The following RELN variants were observed in gnomAD, a reference collection of about 807,000 sequenced individuals.
RELN encodes the protein reelin.
In RELN, 108 loss-of-function variants were observed where a neutral mutation model predicts 427.6. The observed-to-expected ratio is 0.25, with a 90% CI of 0.22 to 0.30. The LOEUF (loss-of-function observed/expected upper bound fraction) is 0.30. RELN is among the 10% of genes least tolerant of loss of function. The probability of loss-of-function intolerance (pLI) is 1.00; values close to 1 mark genes in which losing one functional copy is unlikely to be tolerated. For missense variants in RELN, 3,715 were observed against 4,302.8 expected (o/e 0.86, Z 3.82); for synonymous variants, 1,524 against 1,513.4 (o/e 1.01, Z -0.16).
At chr7:103,859,720 T>G (rs990824664) in intron 2 of RELN, among the ~76,000 whole-genome samples, 1 of 152,200 alleles carries the variant, frequency 6.6e-6, no homozygotes, top group African/African-American at 2.4e-5. Flanking sequence ...GAAACAACTT[T>G]ATGGCACTTG....
chr7:103,883,467 C>A (rs181894551), intron 2 of RELN, among the ~76,000 whole-genome samples: 2 of 152,104 alleles, frequency 1.3e-5, no homozygotes, highest in Non-Finnish European at 2.9e-5. Context: ...AAGGGGTGTT[C>A]GAATAGGAAA....
At chr7:103,660,925 G>A (rs1445881753) in intron 12 of RELN, among the ~76,000 whole-genome samples, 1 of 152,106 alleles carries the variant, frequency 6.6e-6, no homozygotes, top group East Asian at 1.9e-4. Context: ...AAACATATTA[G>A]AAAATAGAGA....
At chr7:103,510,648 AG>A (rs1470375172) in intron 51 of RELN, among the ~76,000 whole-genome samples, 1 of 152,238 alleles carries the variant, frequency 6.6e-6, no homozygotes, top group Non-Finnish European at 1.5e-5. Flanking sequence ...GATGAAAAAA[AG>A]TTTCAACTTG....
At chr7:103,484,816 T>C (rs1447714802) in intron 61 of RELN, among the ~76,000 whole-genome samples, 1 of 152,148 alleles carries the variant, frequency 6.6e-6, no homozygotes, top group African/African-American at 2.4e-5. Flanking sequence ...CTGCATTCTT[T>C]TTACAAATAG....
rs140090640 is a variant in RELN, at chr7:103,589,789, G to C, written c.3952C>G (p.Pro1318Ala). 16 of 1,611,558 alleles carry C rather than the reference G, an allele frequency of 9.9e-6. No individual in the cohort carries two copies. Among genetic ancestry groups the C allele is most frequent in the Non-Finnish European group, 8.5e-7 (1 of 1,177,778 alleles). ...GCANQFSSTAPVLLQYSHDAG... is the reference protein window; with the variant it reads ...GCANQFSSTAAVLLQYSHDAG... Reference sequence around the variant, plus strand: ...TCATGAGAGTACTGAAGAAGAACTGGAGCAGTACTGCTGAATTGATTGGCA... The same window carrying C: ...TCATGAGAGTACTGAAGAAGAACTGCAGCAGTACTGCTGAATTGATTGGCA... Residue 1318 changes from proline (P) to alanine (A), a missense_variant, in exon 28 of 65, where the codon CCA becomes GCA. Physicochemically the swap from Pro to Ala is conservative, Grantham distance 27. Transcript: ENST00000428762.
intron 8 of RELN, among the ~76,000 whole-genome samples, chr7:103,708,422 A>C (rs116143725): frequency 6.6e-6 from 1 of 150,398 alleles, no homozygotes; most frequent in African/African-American, 2.5e-5. Context: ...TGACATTTAC[A>C]TAAGGGCTGT....
chr7:103,908,111 C>T (rs1795257798), intron 2 of RELN, among the ~76,000 whole-genome samples: 1 of 152,090 alleles, frequency 6.6e-6, no homozygotes. Context: ...CATCACTGGC[C>T]TTCCCAAGCA....
intron 20 of RELN, among the ~76,000 whole-genome samples, chr7:103,617,643 G>A: frequency 6.6e-6 from 1 of 150,884 alleles, no homozygotes; most frequent in South Asian, 2.1e-4. Context: ...ATATATACAT[G>A]TGTGTATATA....
intron 2 of RELN, among the ~76,000 whole-genome samples, chr7:103,861,079 T>C (rs1301490494): frequency 6.6e-6 from 1 of 152,108 alleles, no homozygotes; most frequent in African/African-American, 2.4e-5. Context: ...GTAGGATGTA[T>C]TCTCTTCTCC....
chr7:103,494,392 TGG>T (rs1491467135), intron 57 of RELN, among the ~76,000 whole-genome samples: 8 of 150,564 alleles, frequency 5.3e-5, no homozygotes, highest in African/African-American at 1.7e-4. Context: ...TGTGTGTGTG[TGG>T]GATATGGTCT....
At chr7:103,810,022 C>T (rs1433585307) in intron 3 of RELN, among the ~76,000 whole-genome samples, 1 of 152,118 alleles carries the variant, frequency 6.6e-6, no homozygotes, top group African/African-American at 2.4e-5. Context: ...AAGTAGATTT[C>T]CTGGCTGATA....
intron 2 of RELN, among the ~76,000 whole-genome samples, chr7:103,862,461 A>T (rs1794095703): frequency 7.0e-6 from 1 of 142,146 alleles, no homozygotes; most frequent in Admixed American, 7.2e-5. Context: ...CTATCTATCT[A>T]TCTATCTTCT....
At chr7:103,778,535 C>G (rs976748959) in intron 3 of RELN, among the ~76,000 whole-genome samples, 2 of 152,144 alleles carry the variant, frequency 1.3e-5, no homozygotes. Flanking sequence ...TGAACACGAT[C>G]AGCCAAATTA....
intron 50 of RELN, among the ~76,000 whole-genome samples, chr7:103,514,640 C>T (rs1829513805): frequency 6.6e-6 from 1 of 151,246 alleles, no homozygotes; most frequent in Non-Finnish European, 1.5e-5. Flanking sequence ...GCCTAGGCAA[C>T]AAGAATGAAA....
intron 1 of RELN, among the ~76,000 whole-genome samples, chr7:103,963,134 C>CTTTTTTTTTTT (rs61170235): frequency 4.3e-5 from 6 of 139,308 alleles, no homozygotes; most frequent in Admixed American, 7.2e-5. Flanking sequence ...TTTTCGCCTT[C>CTTTTTTTTTTT]TTTTTTTTTT....
intron 20 of RELN, among the ~76,000 whole-genome samples, chr7:103,613,765 A>C (rs1832018736): frequency 6.6e-6 from 1 of 152,216 alleles, no homozygotes; most frequent in South Asian, 2.1e-4. Context: ...CTGGTAGTAC[A>C]TGGGCTGAAG....
At chr7:103,861,418 C>G (rs1794068919) in intron 2 of RELN, among the ~76,000 whole-genome samples, 1 of 152,068 alleles carries the variant, frequency 6.6e-6, no homozygotes, top group Admixed American at 6.6e-5. Context: ...AGAGCCTATG[C>G]TATGAATCAC....
rs2117288958 is a variant in RELN, at chr7:103,610,750, C to G, written c.2953G>C (p.Ala985Pro). The G allele has an allele frequency of 1.2e-6, 2 of 1,612,498 alleles. No homozygotes were observed. The highest frequency in any genetic ancestry group is 2.2e-5 in the South Asian group (2 of 91,052). Reference sequence around the variant, plus strand: ...CTCCTCCACTGTGTAAACTCACTGGCATGGTAAATACTTGCTGATGTAAAT... The same window carrying G: ...CTCCTCCACTGTGTAAACTCACTGGGATGGTAAATACTTGCTGATGTAAAT... ...QEFTSASIYH[A>P]SEFTQWRRVI... The change falls in exon 22 of 65, where the codon GCC (alanine) becomes CCC (proline). Residue 985 changes from alanine to proline, a missense_variant. Transcript: ENST00000428762.
chr7:103,672,266 T>G lies in RELN; in HGVS notation c.1289+9850A>C, dbSNP rs996909454. Among the ~76,000 whole-genome samples, 8 of 152,272 alleles carry G rather than the reference T, an allele frequency of 5.3e-5. 1 individual carries two copies. The highest frequency in any genetic ancestry group is 6.8e-3 in the Middle Eastern group (2 of 294). ...CTTGGGAACAAGGATAGGGAGTCAGTTGCTGCATTCTGGATGCTCACATGG... is the reference window on the plus strand; with the variant it reads ...CTTGGGAACAAGGATAGGGAGTCAGGTGCTGCATTCTGGATGCTCACATGG... On this transcript the variant is annotated intron_variant, in intron 11 of 64. Coordinates refer to ENST00000428762, the MANE Select transcript of RELN (RefSeq NM_005045.4).
Sources: allele counts gnomAD v4.1 joint callset (sites outside exome capture counted in the v4.1 genomes callset), GRCh38; gene constraint gnomAD v4.1.1; transcripts MANE v1.5; gene names NCBI Gene and HGNC (gene_info 2026-07-23, HGNC 2026-07-21).